Variants in PALLD observed in about 807,000 individuals in gnomAD.
PALLD encodes the protein palladin.
Under a neutral mutation model 123.5 loss-of-function variants are expected in PALLD, and 61 were observed. The observed-to-expected ratio is 0.49, with a 90% CI of 0.40 to 0.61. PALLD has a LOEUF of 0.61. Ranked by LOEUF, PALLD falls within the 20% of genes least tolerant of loss-of-function variation. The pLI is 0.00. For synonymous variants in PALLD, 465 were observed against 496.4 expected (o/e 0.94, Z 0.84); for missense variants, 1,273 against 1,377.0 (o/e 0.92, Z 1.20).
intron 2 of PALLD, among the ~76,000 whole-genome samples, chr4:168,662,688 A>G (rs1192418396): frequency 6.6e-6 from 1 of 152,266 alleles, no homozygotes; most frequent in African/African-American, 2.4e-5. Context: ...TCAAGAGGTC[A>G]AAATTTAACC....
At position 168,720,711 on chromosome 4, in the gene PALLD, A is replaced by G. The variant is rs80119860; in HGVS notation, c.1964+8788A>G. On this transcript the variant is annotated intron_variant, in intron 10 of 21. Transcript: ENST00000505667. ...TCTTAGATACCCGATTGTTCCATAA[A>G]TCTTGTCTTAAGAGAAAGGCATATC... is the stretch of plus-strand genomic sequence containing the variant. Among the ~76,000 whole-genome samples, 536 of 152,272 alleles carry G rather than the reference A, an allele frequency of 3.5e-3. 5 individuals are homozygous for G. Among genetic ancestry groups the G allele is most frequent in the Non-Finnish European group, 3.9e-3 (264 of 68,010 alleles).
intron 18 of PALLD, among the ~76,000 whole-genome samples, chr4:168,923,508 C>A (rs937794267): frequency 6.6e-6 from 1 of 152,042 alleles, no homozygotes; most frequent in African/African-American, 2.4e-5. Flanking sequence ...TCCAAGAAAA[C>A]AATTTCCCAT....
intron 10 of PALLD, among the ~76,000 whole-genome samples, chr4:168,884,479 C>T (rs1322668399): frequency 6.6e-6 from 1 of 152,196 alleles, no homozygotes; most frequent in African/African-American, 2.4e-5. Context: ...ACTGTAGAGT[C>T]ACCTCCTCAG....
rs1471558991 is a variant in PALLD at position 168,859,806 on chromosome 4, AT to A, written c.1965-31115del. On this transcript the variant is annotated intron_variant, in intron 10 of 21. Transcript: ENST00000505667. ...TGTGAACCACCACAATGAAGACCAC[AT>A]ATGCAGTTTGTTTTCTAGTAGTCAC... 3.9e-5 allele frequency among the ~76,000 whole-genome samples: 6 copies of A among 152,350 alleles called. No individual in the cohort carries two copies. The East Asian group carries it at 9.6e-4, about 24-fold the overall frequency.
intron 2 of PALLD, among the ~76,000 whole-genome samples, chr4:168,578,025 A>C (rs565687935): frequency 6.6e-6 from 1 of 152,210 alleles, no homozygotes; most frequent in African/African-American, 2.4e-5. Context: ...ATGTTCTTTC[A>C]ATTTAATGTG....
chr4:168,590,295 T>C (rs1771271096), intron 2 of PALLD, among the ~76,000 whole-genome samples: 3 of 152,220 alleles, frequency 2.0e-5, no homozygotes, highest in Non-Finnish European at 4.4e-5. Flanking sequence ...TTAGCCAAGA[T>C]TGCGCCATTG....
At chr4:168,630,840 G>A (rs1345820582) in intron 2 of PALLD, among the ~76,000 whole-genome samples, 1 of 152,220 alleles carries the variant, frequency 6.6e-6, no homozygotes, top group Non-Finnish European at 1.5e-5. Context: ...AGGGGCTTTA[G>A]AGTTGGCAAA....
intron 2 of PALLD, among the ~76,000 whole-genome samples, chr4:168,543,466 T>C (rs112138384): frequency 1.3e-5 from 2 of 152,030 alleles, no homozygotes; most frequent in African/African-American, 4.8e-5. Flanking sequence ...CTGTAAGTTT[T>C]CCTCTATTCT....
intron 10 of PALLD, among the ~76,000 whole-genome samples, chr4:168,789,793 T>A (rs1737253042): frequency 6.6e-6 from 1 of 152,080 alleles, no homozygotes; most frequent in Admixed American, 6.5e-5. Flanking sequence ...TATTCATATA[T>A]CATAATTTAA....
At chr4:168,671,036 A>AT (rs1554060637) in intron 3 of PALLD, among the ~76,000 whole-genome samples, 3 of 151,224 alleles carry the variant, frequency 2.0e-5, no homozygotes, top group Non-Finnish European at 4.4e-5. Flanking sequence ...GAAAAAAAAA[A>AT]TGTAAAATGA....
intron 2 of PALLD, among the ~76,000 whole-genome samples, chr4:168,535,975 A>G (rs1461161151): frequency 6.6e-6 from 1 of 152,204 alleles, no homozygotes; most frequent in East Asian, 1.9e-4. Flanking sequence ...AACTCTCAGT[A>G]CCTTGGTGCC....
chr4:168,696,334 G>T (rs1783125824), intron 8 of PALLD, among the ~76,000 whole-genome samples: 1 of 152,064 alleles, frequency 6.6e-6, no homozygotes, highest in Non-Finnish European at 1.5e-5. Flanking sequence ...TCTTCTCTGG[G>T]CAATTTAAAC....
At chr4:168,536,008 A>G (rs976540057) in intron 2 of PALLD, among the ~76,000 whole-genome samples, 2 of 152,234 alleles carry the variant, frequency 1.3e-5, no homozygotes, top group African/African-American at 4.8e-5. Flanking sequence ...CACTGAATAC[A>G]TTTTAACTTA....
intron 3 of PALLD, among the ~76,000 whole-genome samples, chr4:168,672,994 T>A (rs554805020): frequency 1.7e-4 from 26 of 152,170 alleles, no homozygotes; most frequent in Admixed American, 8.5e-4. Flanking sequence ...AATAAACTCA[T>A]CATCACTGGG....
intron 10 of PALLD, among the ~76,000 whole-genome samples, chr4:168,863,107 C>A (rs1457577487): frequency 6.6e-6 from 1 of 152,174 alleles, no homozygotes; most frequent in African/African-American, 2.4e-5. Flanking sequence ...GTCTAGGGTT[C>A]TTTTACGCCA....
At chr4:168,551,871 GGAAGA>G (rs1355769436) in intron 2 of PALLD, among the ~76,000 whole-genome samples, 1 of 152,012 alleles carries the variant, frequency 6.6e-6, no homozygotes, top group Non-Finnish European at 1.5e-5. Flanking sequence ...AGTGTGATTT[GGAAGA>G]GAAAATTCAC....
At chr4:168,659,897 A>G (rs1340436454) in intron 2 of PALLD, among the ~76,000 whole-genome samples, 1 of 152,248 alleles carries the variant, frequency 6.6e-6, no homozygotes, top group Non-Finnish European at 1.5e-5. Context: ...ATTAAAATAG[A>G]TACTGCTAGT....
At chr4:168,639,371 T>C (rs1776666883) in intron 2 of PALLD, among the ~76,000 whole-genome samples, 1 of 152,214 alleles carries the variant, frequency 6.6e-6, no homozygotes, top group African/African-American at 2.4e-5. Context: ...CTGGGCATGT[T>C]ATTGTATCCG....
intron 10 of PALLD, among the ~76,000 whole-genome samples, chr4:168,732,939 T>C (rs2150314129): frequency 6.6e-6 from 1 of 152,316 alleles, no homozygotes; most frequent in Non-Finnish European, 1.5e-5. Context: ...GGGATGTTCC[T>C]CATGCTTACA....
Sources: allele counts gnomAD v4.1 joint callset (sites outside exome capture counted in the v4.1 genomes callset), GRCh38; gene constraint gnomAD v4.1.1; transcripts MANE v1.5; gene names NCBI Gene and HGNC (gene_info 2026-07-23, HGNC 2026-07-21).